The following TMCO6 variants were observed in gnomAD, a reference collection of about 807,000 sequenced individuals.
TMCO6 encodes transmembrane and coiled-coil domain-containing protein 6.
Under a neutral mutation model 61.8 loss-of-function variants are expected in TMCO6, and 47 were observed. That is an observed-to-expected ratio of 0.76 (90% CI 0.60 to 0.97). The LOEUF (loss-of-function observed/expected upper bound fraction) is 0.97. TMCO6 is among the 50% of genes least tolerant of loss of function. TMCO6 has a pLI of 0.00. For synonymous variants in TMCO6, 261 were observed against 254.2 expected (o/e 1.03, Z -0.25); for missense variants, 557 against 601.6 (o/e 0.93, Z 0.78).
chr5:140,644,493 G>A (rs1757266637), intron 10 of TMCO6, 80 bp from the exon 11 acceptor site: 3 of 1,536,210 alleles, frequency 2.0e-6, no homozygotes, highest in African/African-American at 2.7e-5. Context: ...TGGGCATGTG[G>A]TCACCATGTC....
In TMCO6 at chr5:140,642,060, C is replaced by G. The variant is rs1757073566; in HGVS notation, c.498+7C>G. The G allele has an allele frequency of 6.3e-7, 1 of 1,592,658 alleles. No individual in the cohort carries two copies. The highest frequency in any genetic ancestry group is 1.7e-5 in the Admixed American group (1 of 59,084). ...TCACAGCTCAGACTTCATAGTAAGC[C>G]CTGTCCCTTCCTATCTTGTTCTTGG... On this transcript the variant is annotated splice_region_variant and intron_variant, in intron 4 of 11. Coordinates refer to ENST00000394671, the MANE Select transcript of TMCO6 (RefSeq NM_018502.5).
downstream of TMCO6, chr5:140,647,619 C>A (rs1246663582): frequency 1.9e-6 from 3 of 1,601,428 alleles, no homozygotes; most frequent in Non-Finnish European, 2.5e-6. Context: ...TCCAGGTCTT[C>A]AGGCCAAGTG....
chr5:140,618,147 C>T, the TMCO6 span, among the ~76,000 whole-genome samples: 4,253 of 152,078 alleles, frequency 0.028, 174 homozygotes, highest in African/African-American at 0.093. Context: ...GAGCAAAGGT[C>T]GGGCCGCACG....
At chr5:140,607,206 C>T in the TMCO6 span, among the ~76,000 whole-genome samples, 1 of 152,162 alleles carries the variant, frequency 6.6e-6, no homozygotes, top group African/African-American at 2.4e-5. Context: ...GTCTCCTCTC[C>T]CTCTAGAACC....
At chr5:140,601,295 TG>T in the TMCO6 span, among the ~76,000 whole-genome samples, 259 of 152,216 alleles carry the variant, frequency 1.7e-3, 1 homozygote, top group Non-Finnish European at 3.0e-3. Flanking sequence ...GCAATGGCTG[TG>T]GGGGTATGGG....
the TMCO6 span, among the ~76,000 whole-genome samples, chr5:140,627,948 A>T: frequency 6.6e-6 from 1 of 152,112 alleles, no homozygotes; most frequent in African/African-American, 2.4e-5. Context: ...TGTGAAGACA[A>T]GTAAAACAGA....
the TMCO6 span, among the ~76,000 whole-genome samples, chr5:140,600,803 G>T: frequency 6.6e-6 from 1 of 152,100 alleles, no homozygotes; most frequent in East Asian, 1.9e-4. Flanking sequence ...TATAATACTA[G>T]GGAGGGGAAA....
At chr5:140,601,216 G>A in the TMCO6 span, among the ~76,000 whole-genome samples, 1 of 152,122 alleles carries the variant, frequency 6.6e-6, no homozygotes. Flanking sequence ...CCTATGTTAA[G>A]GAGTCCTAGA....
At chr5:140,609,234 T>C in the TMCO6 span, 1 of 163,074 alleles carries the variant, frequency 6.1e-6, no homozygotes, top group Non-Finnish European at 1.3e-5. Flanking sequence ...GGGTATGGCT[T>C]TGCCCCAAAC....
At chr5:140,632,232 G>A in the TMCO6 span, 1 of 1,613,644 alleles carries the variant, frequency 6.2e-7, no homozygotes, top group Non-Finnish European at 8.5e-7. This position sits in a 1 kb window ranked among gnomAD's most constrained non-coding sequence, Gnocchi z 6.2. Flanking sequence ...TAGGCTGTGG[G>A]GCTGCACACC....
the TMCO6 span, among the ~76,000 whole-genome samples, chr5:140,602,624 C>T: frequency 4.6e-5 from 7 of 151,720 alleles, no homozygotes; most frequent in South Asian, 2.1e-4. Flanking sequence ...ATTAGCCAGG[C>T]GTGGTGGCAC....
intron 2 of TMCO6, among the ~76,000 whole-genome samples, chr5:140,640,508 C>G (rs1248374764): frequency 6.6e-6 from 1 of 151,578 alleles, no homozygotes; most frequent in Non-Finnish European, 1.5e-5. Flanking sequence ...CGGGTTCAAG[C>G]GATTCTCCTG....
the TMCO6 span, among the ~76,000 whole-genome samples, chr5:140,620,582 C>T: frequency 1.3e-5 from 2 of 152,116 alleles, no homozygotes; most frequent in African/African-American, 4.8e-5. Flanking sequence ...ATGTACTACT[C>T]TGGTGGGGGT....
chr5:140,630,479 C>T, the TMCO6 span, among the ~76,000 whole-genome samples: 504 of 152,190 alleles, frequency 3.3e-3, 3 homozygotes, highest in African/African-American at 0.012. Flanking sequence ...TGTGTTCCCC[C>T]GACCCCCACT....
Position 140,642,608 on chromosome 5 carries a change from A to G in TMCO6, c.626A>G (p.Glu209Gly). The change falls in exon 6 of 12, where the codon GAA (glutamate) becomes GGA (glycine). Residue 209 changes from glutamate (E) to glycine (G), a missense_variant. Coordinates refer to ENST00000394671, the MANE Select transcript of TMCO6 (RefSeq NM_018502.5). ...CIQSPHVAVL[E>G]ALGYALSQLL... ...CAGTCCCCCCATGTGGCTGTGCTGG[A>G]AGCTCTCGGATATGCCTTGTCCCAG... is the stretch of plus-strand genomic sequence containing the variant. The G allele has an allele frequency of 6.2e-7, 1 of 1,614,218 alleles. No individual in the cohort carries two copies. Among genetic ancestry groups the G allele is most frequent in the Non-Finnish European group, 8.5e-7 (1 of 1,180,042 alleles).
rs757840471 is a variant in TMCO6, at chr5:140,644,562, T to G, written c.1201-11T>G. On this transcript the variant is annotated splice_polypyrimidine_tract_variant and intron_variant, in intron 10 of 11. Coordinates refer to ENST00000394671, the MANE Select transcript of TMCO6 (RefSeq NM_018502.5). Reference sequence around the variant, plus strand: ...TCATTCTTTGTAGACTATATATGTGTCTATCTGCAGGTGCTCACAGTTCTG... The same window carrying G: ...TCATTCTTTGTAGACTATATATGTGGCTATCTGCAGGTGCTCACAGTTCTG... 1 of 1,613,664 alleles carries G rather than the reference T, an allele frequency of 6.2e-7. No individual in the cohort carries two copies. Among genetic ancestry groups the G allele is most frequent in the Non-Finnish European group, 8.5e-7 (1 of 1,179,818 alleles).
chr5:140,631,135 G>A, the TMCO6 span, among the ~76,000 whole-genome samples: 2 of 152,184 alleles, frequency 1.3e-5, no homozygotes, highest in African/African-American at 4.8e-5. Flanking sequence ...TTCAGAGACC[G>A]ACTGTATCTT....
the TMCO6 span, among the ~76,000 whole-genome samples, chr5:140,609,814 CTTT>C: frequency 6.6e-6 from 1 of 151,998 alleles, no homozygotes; most frequent in Non-Finnish European, 1.5e-5. Flanking sequence ...CTCTTCTCTT[CTTT>C]TGTTATATTT....
At chr5:140,647,050 C>T (rs902898745), downstream of TMCO6, 1 of 573,734 alleles carries the variant, frequency 1.7e-6, no homozygotes, top group Non-Finnish European at 2.9e-6. Flanking sequence ...AGGATTCGGT[C>T]AGCCTGCATA....
Sources: allele counts gnomAD v4.1 joint callset (sites outside exome capture counted in the v4.1 genomes callset), GRCh38; gene constraint gnomAD v4.1.1; non-coding constraint Gnocchi (gnomAD v3.1); transcripts MANE v1.5; gene names NCBI Gene and HGNC (gene_info 2026-07-23, HGNC 2026-07-21).